ADCY5: variants seen among roughly 807,000 people sequenced by gnomAD.
The protein encoded by ADCY5 is adenylate cyclase type 5.
ADCY5 carries 30 observed loss-of-function variants against 119.7 expected under a neutral mutation model. The observed-to-expected ratio is 0.25, with a 90% CI of 0.19 to 0.34. The LOEUF is 0.34. ADCY5 is among the 10% of genes least tolerant of loss of function. The probability of loss-of-function intolerance (pLI) is 1.00; values close to 1 mark genes in which losing one functional copy is unlikely to be tolerated. For missense variants in ADCY5, 1,324 were observed against 1,775.2 expected, an observed-to-expected ratio of 0.75 and a Z score of 4.57; for synonymous variants, 753 against 762.2, an observed-to-expected ratio of 0.99 and a Z score of 0.20.
intron 1 of ADCY5, among the ~76,000 whole-genome samples, chr3:123,388,324 G>C (rs1005944026): frequency 6.6e-6 from 1 of 152,206 alleles, no homozygotes; most frequent in African/African-American, 2.4e-5. Context: ...CCAACTGAAA[G>C]TGGGAGGCGA....
At chr3:123,390,770 G>A (rs955788992) in intron 1 of ADCY5, among the ~76,000 whole-genome samples, 4 of 152,192 alleles carry the variant, frequency 2.6e-5, no homozygotes, top group Admixed American at 1.3e-4. Flanking sequence ...GTCCCATCCT[G>A]GGAATGGACT....
chr3:123,345,832 C>T (rs1191702931), intron 3 of ADCY5, among the ~76,000 whole-genome samples: 1 of 150,124 alleles, frequency 6.7e-6, no homozygotes, highest in Non-Finnish European at 1.5e-5. Context: ...TCCTCTGAGT[C>T]TCCTGTTAGC....
chr3:123,335,586 T>C (rs1023448227), intron 3 of ADCY5, among the ~76,000 whole-genome samples: 1 of 152,112 alleles, frequency 6.6e-6, no homozygotes, highest in Non-Finnish European at 1.5e-5. Context: ...AAAGGTATGA[T>C]CCAACACCCT....
chr3:123,412,804 A>T (rs1338959193), intron 1 of ADCY5, among the ~76,000 whole-genome samples: 1 of 151,488 alleles, frequency 6.6e-6, no homozygotes, highest in Non-Finnish European at 1.5e-5. Context: ...AAACAAAACA[A>T]ACAAACAATG....
At chr3:123,413,250 A>G (rs927032260) in intron 1 of ADCY5, among the ~76,000 whole-genome samples, 1 of 152,198 alleles carries the variant, frequency 6.6e-6, no homozygotes, top group African/African-American at 2.4e-5. Context: ...GAGCGTGCCT[A>G]AAACACGGAA....
chr3:123,289,812 T>C lies in ADCY5; in HGVS notation c.3470A>G (p.Lys1157Arg). The part of the protein sequence containing the change: ...HIKALADFAM[K>R]LMDQMKYINE... ...GATGTACTTCATCTGGTCCATCAGC[T>C]TCATGGCAAAGTCGGCCAGTGCCTT... The change falls in exon 19 of 21, where the codon AAG becomes AGG. Residue 1157 changes from lysine to arginine, a missense_variant. This residue lies in a region of ADCY5 where 178 missense variants were observed against 329.6 expected (regional missense o/e 0.54). Coordinates refer to ENST00000462833, the MANE Select transcript of ADCY5 (RefSeq NM_183357.3). 1 of 1,614,224 alleles carries C rather than the reference T, an allele frequency of 6.2e-7. No homozygotes were observed. Among genetic ancestry groups the C allele is most frequent in the Non-Finnish European group, 8.5e-7 (1 of 1,180,042 alleles).
intron 18 of ADCY5, among the ~76,000 whole-genome samples, chr3:123,290,714 A>G (rs931557486): frequency 6.6e-6 from 1 of 152,172 alleles, no homozygotes; most frequent in Non-Finnish European, 1.5e-5. Context: ...CTGGGCACAG[A>G]CACTGGGTTG....
chr3:123,301,894 CAG>C, intron 14 of ADCY5, among the ~76,000 whole-genome samples: 1 of 149,064 alleles, frequency 6.7e-6, no homozygotes, highest in African/African-American at 2.5e-5. Flanking sequence ...CTGGAGGAGA[CAG>C]AGCTTGCCAC....
Position 123,320,854 on chromosome 3 carries a change from G to GA in ADCY5, c.2089-84_2089-83insT. ...GCTCAGAGGCGTCTAGATGGCTGCA[G>GA]CTCATCTCTACAGTCTCCCAAAGGA... On this transcript the variant is annotated intron_variant, in intron 8 of 20. Transcript: ENST00000462833. 6 of 1,011,990 alleles carry GA rather than the reference G, an allele frequency of 5.9e-6. No homozygotes were observed. In the South Asian group the frequency reaches 8.1e-5, roughly 14 times the overall value. The allele number at this position is 1,011,990 out of a possible 1,614,324, so 62.7% of individuals were successfully genotyped here.
At chr3:123,285,294 G>A (rs2108153026) in intron 20 of ADCY5, among the ~76,000 whole-genome samples, 1 of 152,328 alleles carries the variant, frequency 6.6e-6, no homozygotes. Context: ...CGAGCCTGAG[G>A]TTACACAGTG....
intron 20 of ADCY5, 48 bp from the exon 21 acceptor site, chr3:123,284,784 C>T: frequency 6.2e-7 from 1 of 1,612,504 alleles, no homozygotes; most frequent in Non-Finnish European, 8.5e-7. Context: ...TGGCCTTGGC[C>T]ATGAACTGCT....
At chr3:123,311,921 A>G (rs2055838418) in intron 12 of ADCY5, among the ~76,000 whole-genome samples, 1 of 152,150 alleles carries the variant, frequency 6.6e-6, no homozygotes, top group Non-Finnish European at 1.5e-5. Flanking sequence ...AAAAGAACTG[A>G]GAACTTGCTC....
chr3:123,427,352 A>G (rs1238729679), intron 1 of ADCY5, among the ~76,000 whole-genome samples: 1 of 152,158 alleles, frequency 6.6e-6, no homozygotes. Flanking sequence ...ACCCAAATGT[A>G]TTGGCGCAGA....
chr3:123,329,358 G>C (rs532980755), intron 5 of ADCY5, among the ~76,000 whole-genome samples: 33 of 152,292 alleles, frequency 2.2e-4, no homozygotes, highest in Non-Finnish European at 3.8e-4. Context: ...AGGTGCAGGG[G>C]CTTAGGGTGC....
In ADCY5 at chr3:123,320,447, G is replaced by A. The variant is rs567673901; in HGVS notation, c.2111+302C>T. 1.8e-4 allele frequency among the ~76,000 whole-genome samples: 27 copies of A among 152,364 alleles called. 1 individual carries two copies. In the South Asian group the frequency reaches 5.6e-3, roughly 32 times the overall value. On this transcript the variant is annotated intron_variant, in intron 9 of 20. Coordinates refer to ENST00000462833, the MANE Select transcript of ADCY5 (RefSeq NM_183357.3). ...TGGATGCCAGGCACTGCTGACCAGT[G>A]TGTAAGGTCTGCACTTTCCTGAGGG...
At chr3:123,392,873 A>T (rs193116222) in intron 1 of ADCY5, among the ~76,000 whole-genome samples, 123 of 152,008 alleles carry the variant, frequency 8.1e-4, no homozygotes, top group African/African-American at 2.9e-3. Context: ...GTGGCAGGAG[A>T]ATACAGCATC....
Position 123,332,392 on chromosome 3 carries a change from G to A in ADCY5, c.1518+172C>T, listed in dbSNP as rs1941806778. On this transcript the variant is annotated intron_variant, in intron 4 of 20. Transcript: ENST00000462833. ...TGTCTCCAGGGCCCACGCAGGGCGT[G>A]AGGACACAGCCGCAGCCTAAGGGTC... Among the ~76,000 whole-genome samples the A allele has an allele frequency of 3.9e-5, 6 of 152,374 alleles. No homozygotes were observed. The South Asian group carries it at 1.2e-3, about 32-fold the overall frequency.
chr3:123,297,727 T>C (rs1438985456), intron 15 of ADCY5, among the ~76,000 whole-genome samples: 1 of 152,206 alleles, frequency 6.6e-6, no homozygotes, highest in African/African-American at 2.4e-5. Flanking sequence ...ATCCCACAGC[T>C]GCGCTGCTTG....
At chr3:123,348,018 C>A (rs58842486) in intron 2 of ADCY5, 115 bp from the exon 3 acceptor site, 2 of 997,332 alleles carry the variant, frequency 2.0e-6, no homozygotes, top group East Asian at 2.4e-5. Flanking sequence ...CAGGCTCTCC[C>A]GGGACTCCTG....
Sources: gnomAD v4.1 joint callset for allele counts (sites outside exome capture counted in the v4.1 genomes callset) on GRCh38, gnomAD v4.1.1 for gene constraint, gnomAD v4.1.1 regional missense constraint, MANE v1.5 for transcripts, NCBI Gene and HGNC (gene_info 2026-07-23, HGNC 2026-07-21) for gene names.